The following TACC3 variants were observed in gnomAD, a reference collection of about 807,000 sequenced individuals.
The protein encoded by TACC3 is transforming acidic coiled-coil containing protein 3, also known as transforming acidic coiled-coil-containing protein 3.
TACC3 carries 52 observed loss-of-function variants against 86.0 expected under a neutral mutation model. The ratio of observed to expected loss-of-function variants is 0.60; its 90% CI spans 0.48 to 0.76. The LOEUF (loss-of-function observed/expected upper bound fraction) is 0.76. Among genes scored for constraint, TACC3 ranks in the 30% least tolerant of loss-of-function variants. The probability of loss-of-function intolerance (pLI) is 0.00; values close to 1 mark genes in which losing one functional copy is unlikely to be tolerated. For missense variants in TACC3, 1,120 were observed against 1,070.4 expected (o/e 1.05, Z -0.65); for synonymous variants, 512 against 430.0 (o/e 1.19, Z -2.36).
rs935061124 is a variant in TACC3 at position 1,740,324 on chromosome 4, C to T, written c.2062+322C>T. On this transcript the variant is annotated intron_variant, in intron 12 of 15. Coordinates refer to ENST00000313288, the MANE Select transcript of TACC3 (RefSeq NM_006342.3). ...CCCACTCCACCCTGCCCTCGCCGTG[C>T]GGCTATGTCTAGCAGCAGCCTCTGT... is the stretch of plus-strand genomic sequence containing the variant. 8.2e-6 allele frequency: 4 copies of T among 489,646 alleles called. 1 individual carries two copies. Among genetic ancestry groups the T allele is most frequent in the South Asian group, 4.9e-5 (2 of 40,452 alleles). 30.3% of individuals were successfully genotyped at this position (489,646 alleles called of 1,614,324 possible). A position where few individuals can be genotyped will look rare whatever the true frequency, so the allele number is the denominator to read the frequency against.
At chr4:1,737,146 A>C (rs1718311757) in intron 8 of TACC3, 95 bp from the exon 9 acceptor site, 1 of 1,053,998 alleles carries the variant, frequency 9.5e-7, no homozygotes, top group East Asian at 2.4e-5. Flanking sequence ...TAAACTAAAA[A>C]GCAAAGAGCC....
intron 4 of TACC3, 147 bp from the exon 5 acceptor site, chr4:1,730,740 C>A: frequency 1.1e-6 from 1 of 945,424 alleles, no homozygotes; most frequent in Non-Finnish European, 1.7e-6. Flanking sequence ...TCGCTTGGGA[C>A]AGCCCCATGC....
In TACC3 at chr4:1,744,622, G is replaced by T. The variant is rs745571636; in HGVS notation, c.2328G>T (p.Gln776His). Reference protein sequence around the residue: ...ALKAHAEEKLQLANEEIAQVR... With the variant: ...ALKAHAEEKLHLANEEIAQVR... ...AGGCCCACGCGGAGGAGAAGCTGCAGCTGTGAGTGCTGGGCGAGGCCCCAC... is the reference window on the plus strand; with the variant it reads ...AGGCCCACGCGGAGGAGAAGCTGCATCTGTGAGTGCTGGGCGAGGCCCCAC... The change falls in exon 14 of 16, where the codon CAG (glutamine) becomes CAT (histidine). Residue 776 changes from glutamine (Q) to histidine (H), a missense_variant and splice_region_variant. Physicochemically the swap from Gln to His is conservative, Grantham distance 24. Transcript: ENST00000313288. The T allele has an allele frequency of 5.6e-6, 9 of 1,612,982 alleles. No homozygotes were observed. The highest frequency in any genetic ancestry group is 7.6e-6 in the Non-Finnish European group (9 of 1,179,940).
At position 1,744,968 on chromosome 4, in the gene TACC3, G is replaced by C; in HGVS notation, c.2472G>C (p.Leu824=). The C allele has an allele frequency of 6.2e-7, 1 of 1,611,820 alleles. No individual in the cohort carries two copies. The part of the protein sequence containing the change: ...VEQKTKENEE[L]TRICDDLISK... Reference sequence around the variant, plus strand: ...TCCAGACTAAAGAGAACGAGGAGCTGACCAGGATCTGCGACGACCTCATCT... The same window carrying C: ...TCCAGACTAAAGAGAACGAGGAGCTCACCAGGATCTGCGACGACCTCATCT... Residue 824 remains leucine, a synonymous_variant, in exon 16 of 16, where the codon CTG becomes CTC. Coordinates refer to ENST00000313288, the MANE Select transcript of TACC3 (RefSeq NM_006342.3).
Position 1,745,159 on chromosome 4 carries a change from C to A in TACC3, c.*146C>A, listed in dbSNP as rs560489902. The A allele has an allele frequency of 2.2e-6, 2 of 926,166 alleles. No individual in the cohort carries two copies. Among genetic ancestry groups the A allele is most frequent in the East Asian group, 2.7e-5 (1 of 37,610 alleles). The allele number at this position is 926,166 out of a possible 1,614,324, so 57.4% of individuals were successfully genotyped here. On this transcript the variant is annotated 3_prime_UTR_variant, in exon 16 of 16. Transcript: ENST00000313288. The stretch of plus-strand genomic sequence containing the variant: ...GAAAACATGACTCAATAAAAGTTTC[C>A]TTTCAATTTAAACACTGAAGCCGCT...
chr4:1,742,886 G>T (rs1452952145), intron 13 of TACC3, among the ~76,000 whole-genome samples: 1 of 152,012 alleles, frequency 6.6e-6, no homozygotes, highest in Non-Finnish European at 1.5e-5. Flanking sequence ...AAAATCATTT[G>T]AACCTGGGAG....
intron 3 of TACC3, among the ~76,000 whole-genome samples, chr4:1,727,032 G>A (rs1317402347): frequency 6.6e-6 from 1 of 152,054 alleles, no homozygotes; most frequent in African/African-American, 2.4e-5. Context: ...TTGGGAGGCT[G>A]AGGCAGGAGA....
chr4:1,725,079 C>T (rs766311269), intron 3 of TACC3, among the ~76,000 whole-genome samples: 4 of 151,814 alleles, frequency 2.6e-5, no homozygotes, highest in African/African-American at 4.8e-5. Flanking sequence ...TACAGGCATG[C>T]GCCACCACAC....
At chr4:1,721,754 C>T (rs1230802388) in intron 1 of TACC3, 111 bp downstream of exon 1, 5 of 152,222 alleles carry the variant, frequency 3.3e-5, no homozygotes, top group Admixed American at 1.3e-4. Flanking sequence ...CCGCTTTCCC[C>T]GGGAAGCGTC....
chr4:1,733,465 C>G (rs995951545), intron 6 of TACC3, among the ~76,000 whole-genome samples: 1 of 151,806 alleles, frequency 6.6e-6, no homozygotes, highest in East Asian at 1.9e-4. Flanking sequence ...CTAACCTGGG[C>G]AACATGGCAA....
chr4:1,740,325 G>C lies in TACC3; in HGVS notation c.2062+323G>C, dbSNP rs1479795969. The C allele has an allele frequency of 6.1e-6, 3 of 490,920 alleles. No homozygotes were observed. In the South Asian group the frequency reaches 7.4e-5, roughly 12 times the overall value. The allele number at this position is 490,920 out of a possible 1,614,324, so 30.4% of individuals were successfully genotyped here. A position where few individuals can be genotyped will look rare whatever the true frequency, so the allele number is the denominator to read the frequency against. On this transcript the variant is annotated intron_variant, in intron 12 of 15. Transcript: ENST00000313288. ...CCACTCCACCCTGCCCTCGCCGTGC[G>C]GCTATGTCTAGCAGCAGCCTCTGTA...
In TACC3 at chr4:1,745,149, TA is replaced by T; in HGVS notation, c.*140del. 1.0e-6 allele frequency: 1 copy of T among 961,612 alleles called. No individual in the cohort carries two copies. The highest frequency in any genetic ancestry group is 1.5e-6 in the Non-Finnish European group (1 of 654,942). 59.6% of individuals were successfully genotyped at this position (961,612 alleles called of 1,614,324 possible). A position where few individuals can be genotyped will look rare whatever the true frequency, so the allele number is the denominator to read the frequency against. On this transcript the variant is annotated 3_prime_UTR_variant, in exon 16 of 16. Transcript: ENST00000313288. Reference sequence around the variant, plus strand: ...AGATTGCTTTGAAAACATGACTCAATAAAAGTTTCCTTTCAATTTAAACACT... The same window carrying T: ...AGATTGCTTTGAAAACATGACTCAATAAAGTTTCCTTTCAATTTAAACACT...
chr4:1,736,858 C>T (rs901916693), intron 8 of TACC3, among the ~76,000 whole-genome samples: 2 of 151,414 alleles, frequency 1.3e-5, no homozygotes, highest in Admixed American at 1.3e-4. Context: ...TGCAGGGAGC[C>T]GAGATCATGC....
chr4:1,723,160 C>T (rs1717501194), intron 1 of TACC3: 1 of 509,078 alleles, frequency 2.0e-6, no homozygotes, highest in Admixed American at 3.6e-5. Context: ...GCCTGAAGGC[C>T]CTTTAGCTCT....
At chr4:1,739,919 C>A in intron 11 of TACC3, 40 bp from the exon 12 acceptor site, 1 of 1,611,816 alleles carries the variant, frequency 6.2e-7, no homozygotes, top group Non-Finnish European at 8.5e-7. Flanking sequence ...GACCGCTGGG[C>A]ACCCGAGGCA....
At chr4:1,729,381 C>A (rs1717888687) in intron 4 of TACC3, among the ~76,000 whole-genome samples, 1 of 152,036 alleles carries the variant, frequency 6.6e-6, no homozygotes, top group Non-Finnish European at 1.5e-5. Flanking sequence ...GCCCGGGGGA[C>A]CACTACCACC....
At chr4:1,731,042 C>G in intron 5 of TACC3, 80 bp downstream of exon 5, 1 of 1,600,084 alleles carries the variant, frequency 6.2e-7, no homozygotes, top group Non-Finnish European at 8.6e-7. Flanking sequence ...CCCCCAGCAG[C>G]CTTGGGTGAC....
chr4:1,744,828 A>G lies in TACC3; in HGVS notation c.2447A>G (p.Gln816Arg). ...RIQSLEKTVE[Q>R]KTKENEELTR... ...CAGTCGCTGGAGAAGACAGTGGAGC[A>G]GAAGGTGGGTGCGGGAAGCCCAGCT... The change falls in exon 15 of 16, where the codon CAG becomes CGG. Residue 816 changes from glutamine to arginine, a missense_variant. Gln to Arg is a conservative substitution (Grantham distance 43). Coordinates refer to ENST00000313288, the MANE Select transcript of TACC3 (RefSeq NM_006342.3). The G allele has an allele frequency of 6.2e-7, 1 of 1,612,994 alleles. No homozygotes were observed. The highest frequency in any genetic ancestry group is 8.5e-7 in the Non-Finnish European group (1 of 1,180,024).
chr4:1,744,675 CCCCAG>C (rs1209509212), intron 14 of TACC3, 32 bp from the exon 15 acceptor site: 1 of 1,612,128 alleles, frequency 6.2e-7, no homozygotes, highest in Admixed American at 1.7e-5. Context: ...AGCACCTGGG[CCCCAG>C]CTCAGCCTCT....
Sources: allele counts gnomAD v4.1 joint callset (sites outside exome capture counted in the v4.1 genomes callset), GRCh38; gene constraint gnomAD v4.1.1; transcripts MANE v1.5; gene names NCBI Gene and HGNC (gene_info 2026-07-23, HGNC 2026-07-21).